CLSTN2: variants seen among roughly 807,000 people sequenced by gnomAD.
CLSTN2 encodes the protein calsyntenin-2.
Under a neutral mutation model 101.2 loss-of-function variants are expected in CLSTN2, and 48 were observed. The ratio of observed to expected loss-of-function variants is 0.47; its 90% CI spans 0.38 to 0.60. The LOEUF (loss-of-function observed/expected upper bound fraction) is 0.60, where lower values mean the gene tolerates loss of function less well. CLSTN2 is among the 20% of genes least tolerant of loss of function. The pLI is 0.00. For missense variants in CLSTN2, 1,160 were observed against 1,238.2 expected, an observed-to-expected ratio of 0.94 and a Z score of 0.95; for synonymous variants, 481 against 463.6, an observed-to-expected ratio of 1.04 and a Z score of -0.48.
At chr3:140,534,570 T>A (rs1935323722) in intron 9 of CLSTN2, among the ~76,000 whole-genome samples, 1 of 152,254 alleles carries the variant, frequency 6.6e-6, no homozygotes, top group African/African-American at 2.4e-5. Flanking sequence ...CAATGAGGGC[T>A]CTTTTCCGCC....
intron 2 of CLSTN2, among the ~76,000 whole-genome samples, chr3:140,219,116 A>C (rs2086238581): frequency 6.6e-6 from 1 of 151,924 alleles, no homozygotes; most frequent in Non-Finnish European, 1.5e-5. Flanking sequence ...CATGTATCCA[A>C]ACAAAAGGCT....
At position 140,033,171 on chromosome 3, in the gene CLSTN2, G is replaced by T. The variant is rs144295168; in HGVS notation, c.109+97688G>T. On this transcript the variant is annotated intron_variant, in intron 1 of 16. Transcript: ENST00000458420. ...AGATAACACATAAAAACTATAGTGTGCTCTGAGACATCTTAAGAGAACAGT... is the reference window on the plus strand; with the variant it reads ...AGATAACACATAAAAACTATAGTGTTCTCTGAGACATCTTAAGAGAACAGT... 2.0e-3 allele frequency among the ~76,000 whole-genome samples: 312 copies of T among 152,346 alleles called. 2 individuals carry two copies. Among genetic ancestry groups the T allele is most frequent in the African/African-American group, 7.1e-3 (295 of 41,582 alleles).
chr3:140,428,579 C>T (rs984731818), intron 5 of CLSTN2, among the ~76,000 whole-genome samples: 3 of 152,164 alleles, frequency 2.0e-5, no homozygotes, highest in Admixed American at 2.0e-4. Context: ...TTTGTCTGCT[C>T]ACCTCATCCG....
Position 140,421,209 on chromosome 3 carries a change from A to T in CLSTN2, c.722A>T (p.Lys241Met), listed in dbSNP as rs2088501818. The T allele has an allele frequency of 1.2e-6, 2 of 1,614,094 alleles. No homozygotes were observed. The highest frequency in any genetic ancestry group is 1.7e-6 in the Non-Finnish European group (2 of 1,180,022). Residue 241 changes from lysine (K) to methionine (M), a missense_variant, in exon 5 of 17, where the codon AAG becomes ATG. Lys to Met is a moderately conservative substitution (Grantham distance 95, BLOSUM62 -1). Coordinates refer to ENST00000458420, the MANE Select transcript of CLSTN2 (RefSeq NM_022131.3). ...GTGACCGCCTACGACTGTGGACAGA[A>T]GCCCGCTGCTCAGGACACCCTGGTG... ...ILVTAYDCGQ[K>M]PAAQDTLVQV... is the part of the protein sequence containing the mutation.
chr3:140,530,951 G>A (rs1225867325), intron 8 of CLSTN2, among the ~76,000 whole-genome samples: 1 of 152,212 alleles, frequency 6.6e-6, no homozygotes, highest in African/African-American at 2.4e-5. Context: ...AGCCCAGGGT[G>A]CTCCTACCTC....
At chr3:140,171,431 G>A (rs1314357019) in intron 1 of CLSTN2, among the ~76,000 whole-genome samples, 2 of 151,484 alleles carry the variant, frequency 1.3e-5, no homozygotes, top group East Asian at 3.9e-4. Context: ...GCAAAATGGT[G>A]GCCTTGGTTG....
intron 2 of CLSTN2, among the ~76,000 whole-genome samples, chr3:140,185,156 C>G (rs924677197): frequency 1.2e-3 from 189 of 152,148 alleles, no homozygotes; most frequent in African/African-American, 4.4e-3. Flanking sequence ...GGGGACTTGG[C>G]AAGAGTCTGC....
chr3:140,479,244 C>T (rs938575099), intron 8 of CLSTN2, among the ~76,000 whole-genome samples: 5 of 152,178 alleles, frequency 3.3e-5, no homozygotes, highest in Non-Finnish European at 5.9e-5. Flanking sequence ...AGAAGAAATA[C>T]ACCTTAAAAG....
intron 6 of CLSTN2, among the ~76,000 whole-genome samples, chr3:140,453,063 C>G (rs1933288960): frequency 6.6e-6 from 1 of 152,230 alleles, no homozygotes; most frequent in Admixed American, 6.5e-5. Context: ...ACATTAACAA[C>G]AGCCCAAGAA....
chr3:140,361,763 T>C (rs1327360114), intron 2 of CLSTN2, among the ~76,000 whole-genome samples: 2 of 152,092 alleles, frequency 1.3e-5, no homozygotes, highest in African/African-American at 4.8e-5. Flanking sequence ...TGGGAATAAA[T>C]TTAACAAAAG....
At chr3:140,283,246 G>T (rs763446997) in intron 2 of CLSTN2, among the ~76,000 whole-genome samples, 1 of 152,092 alleles carries the variant, frequency 6.6e-6, no homozygotes, top group Non-Finnish European at 1.5e-5. Flanking sequence ...AGCCCTATGT[G>T]CCCCTCTAAC....
intron 4 of CLSTN2, among the ~76,000 whole-genome samples, chr3:140,408,838 C>T (rs2088333088): frequency 6.6e-6 from 1 of 152,202 alleles, no homozygotes; most frequent in Non-Finnish European, 1.5e-5. Flanking sequence ...GCTGTGTGTA[C>T]CTGAGCAGCT....
intron 10 of CLSTN2, among the ~76,000 whole-genome samples, chr3:140,554,935 C>T (rs982869652): frequency 6.6e-6 from 1 of 152,160 alleles, no homozygotes; most frequent in Non-Finnish European, 1.5e-5. Flanking sequence ...AATCTATATT[C>T]ACTGATTATA....
chr3:139,935,315 A>G lies in CLSTN2; in HGVS notation c.-60A>G. On this transcript the variant is annotated 5_prime_UTR_variant, in exon 1 of 17. Transcript: ENST00000458420. The surrounding 1 kb of genome is among the most constrained non-coding windows in gnomAD (Gnocchi z 5.5). ...GGCCCACGGTGCGGCAGGCACCGGG[A>G]GGCGAGAGCCGGCGCGGACAGTAGG... is the stretch of plus-strand genomic sequence containing the variant. 1.1e-6 allele frequency: 1 copy of G among 931,010 alleles called. No individual in the cohort carries two copies. The highest frequency in any genetic ancestry group is 1.4e-6 in the Non-Finnish European group (1 of 716,924). The allele number at this position is 931,010 out of a possible 1,614,324, so 57.7% of individuals were successfully genotyped here. A position where few individuals can be genotyped will look rare whatever the true frequency, so the allele number is the denominator to read the frequency against.
intron 1 of CLSTN2, among the ~76,000 whole-genome samples, chr3:140,082,751 A>G (rs1043689035): frequency 2.0e-5 from 3 of 152,140 alleles, no homozygotes; most frequent in East Asian, 3.9e-4. Flanking sequence ...TGAAGCCCCC[A>G]TGATCCACCA....
chr3:140,187,837 A>C (rs2010504671), intron 2 of CLSTN2, among the ~76,000 whole-genome samples: 2 of 152,172 alleles, frequency 1.3e-5, no homozygotes. Flanking sequence ...AGCCAAATGC[A>C]ACCCAACGTG....
intron 2 of CLSTN2, among the ~76,000 whole-genome samples, chr3:140,227,130 A>G (rs1228736436): frequency 1.3e-5 from 2 of 152,220 alleles, no homozygotes; most frequent in Non-Finnish European, 2.9e-5. Flanking sequence ...AAAAGTCCAC[A>G]GTCCAAAGTC....
At chr3:140,014,514 C>T (rs1461436559) in intron 1 of CLSTN2, among the ~76,000 whole-genome samples, 1 of 152,140 alleles carries the variant, frequency 6.6e-6, no homozygotes, top group Non-Finnish European at 1.5e-5. Context: ...ACACTGTACC[C>T]AGCCAGGATG....
At chr3:140,124,962 G>A (rs549105037) in intron 1 of CLSTN2, among the ~76,000 whole-genome samples, 1 of 152,326 alleles carries the variant, frequency 6.6e-6, no homozygotes, top group Admixed American at 6.5e-5. Context: ...CCAAGTGACT[G>A]TGGTGACAGA....
Sources: gnomAD v4.1 joint callset for allele counts (sites outside exome capture counted in the v4.1 genomes callset) on GRCh38, gnomAD v4.1.1 for gene constraint, Gnocchi (gnomAD v3.1) non-coding constraint, MANE v1.5 for transcripts, NCBI Gene and HGNC (gene_info 2026-07-23, HGNC 2026-07-21) for gene names.